MGAT4A: variants seen among roughly 807,000 people sequenced by gnomAD.
MGAT4A encodes the protein N-acetylglucosaminyltransferase IVa.
In MGAT4A, 33 loss-of-function variants were observed where a neutral mutation model predicts 74.1. That is an observed-to-expected ratio of 0.45 (90% confidence interval 0.34 to 0.60). MGAT4A has a LOEUF of 0.60. MGAT4A is among the 20% of genes least tolerant of loss of function. The pLI, the probability that MGAT4A is intolerant of heterozygous loss-of-function variation, is 0.02. For synonymous variants in MGAT4A, 198 were observed against 210.4 expected (o/e 0.94, Z 0.51); for missense variants, 479 against 628.3 (o/e 0.76, Z 2.54).
intron 4 of MGAT4A, among the ~76,000 whole-genome samples, chr2:98,672,170 C>T (rs190932766): frequency 9.9e-5 from 15 of 152,256 alleles, no homozygotes; most frequent in Non-Finnish European, 1.8e-4. Flanking sequence ...CAGCCTCAGG[C>T]CAAACGTAAT....
At chr2:98,663,427 A>C (rs1701782411) in intron 4 of MGAT4A, 18 of 1,496,720 alleles carry the variant, frequency 1.2e-5, no homozygotes, top group Non-Finnish European at 1.6e-5. Context: ...TTCACACTAA[A>C]AAATGAATGG....
chr2:98,701,245 T>G (rs1226678094), intron 2 of MGAT4A, among the ~76,000 whole-genome samples: 1 of 152,218 alleles, frequency 6.6e-6, no homozygotes, highest in Non-Finnish European at 1.5e-5. Flanking sequence ...TATTTAAGAT[T>G]TCATCCTATT....
At chr2:98,631,262 T>C (rs1481636730) in intron 14 of MGAT4A, among the ~76,000 whole-genome samples, 1 of 152,238 alleles carries the variant, frequency 6.6e-6, no homozygotes, top group Non-Finnish European at 1.5e-5. Context: ...ACGCGTAAGT[T>C]GCTACCCAGT....
rs529769066 is a variant in MGAT4A at position 98,698,628 on chromosome 2, C to T, written c.95-20157G>A. Among the ~76,000 whole-genome samples, 3 of 152,148 alleles carry T rather than the reference C, an allele frequency of 2.0e-5. No homozygotes were observed. In the South Asian group the frequency reaches 6.2e-4, roughly 32 times the overall value. ...GTACCTTACATTTCTAAATGGAAAC[C>T]CTTCAATGACTACCTACTTAACTCT... is the stretch of plus-strand genomic sequence containing the variant. On this transcript the variant is annotated intron_variant, in intron 2 of 15. Transcript: ENST00000393487.
intron 2 of MGAT4A, among the ~76,000 whole-genome samples, chr2:98,698,099 G>A (rs1288415184): frequency 6.6e-6 from 1 of 152,178 alleles, no homozygotes; most frequent in East Asian, 1.9e-4. Flanking sequence ...TGATTCAAGT[G>A]CAGAAGAACC....
Position 98,652,542 on chromosome 2 carries a change from A to G in MGAT4A, c.774+2903T>C, listed in dbSNP as rs375048719. Among the ~76,000 whole-genome samples the G allele has an allele frequency of 2.6e-5, 4 of 152,280 alleles. No individual in the cohort carries two copies. The East Asian group carries it at 5.8e-4, about 22-fold the overall frequency. ...GAGACGGAGTTTCACCGTGTTAGCC[A>G]GGATGGTCTCGATCTCCTGACCTTG... On this transcript the variant is annotated intron_variant, in intron 8 of 15. Transcript: ENST00000393487.
At chr2:98,647,029 G>T (rs184333397) in intron 8 of MGAT4A, among the ~76,000 whole-genome samples, 1 of 152,222 alleles carries the variant, frequency 6.6e-6, no homozygotes, top group East Asian at 1.9e-4. Context: ...TGTTTTTCAA[G>T]GTAATCTAAT....
chr2:98,729,594 T>C (rs552327555), intron 1 of MGAT4A, among the ~76,000 whole-genome samples: 2 of 152,318 alleles, frequency 1.3e-5, no homozygotes, highest in Admixed American at 6.5e-5. Flanking sequence ...CTCCCAAAGG[T>C]GAATGGAACT....
chr2:98,714,539 G>A (rs574560755), intron 2 of MGAT4A, among the ~76,000 whole-genome samples: 227 of 152,298 alleles, frequency 1.5e-3, no homozygotes, highest in African/African-American at 4.8e-3. Flanking sequence ...TGCTATGCAC[G>A]CACACATGTA....
intron 7 of MGAT4A, 95 bp from the exon 8 acceptor site, chr2:98,655,615 G>A: frequency 1.3e-6 from 1 of 771,626 alleles, no homozygotes; most frequent in Non-Finnish European, 2.2e-6. Flanking sequence ...TACATAACAT[G>A]TCATCTATGT....
intron 8 of MGAT4A, among the ~76,000 whole-genome samples, chr2:98,653,879 G>GACC (rs1328438594): frequency 1.3e-5 from 2 of 152,060 alleles, no homozygotes; most frequent in Non-Finnish European, 2.9e-5. Flanking sequence ...GAAAACTACA[G>GACC]ACCAATATCC....
intron 1 of MGAT4A, among the ~76,000 whole-genome samples, chr2:98,729,795 T>G (rs1252379558): frequency 1.3e-5 from 2 of 152,114 alleles, no homozygotes; most frequent in African/African-American, 4.8e-5. Context: ...AGGGTAGAGG[T>G]GACTTAAGAA....
chr2:98,684,816 A>C (rs181456611), intron 2 of MGAT4A, among the ~76,000 whole-genome samples: 57 of 152,352 alleles, frequency 3.7e-4, no homozygotes, highest in African/African-American at 1.3e-3. Context: ...ATTCAGAGCT[A>C]GTGTTAAAAA....
intron 8 of MGAT4A, among the ~76,000 whole-genome samples, chr2:98,653,573 T>C (rs1701613956): frequency 6.6e-6 from 1 of 152,076 alleles, no homozygotes; most frequent in South Asian, 2.1e-4. Flanking sequence ...TTGGATAATC[T>C]ACAAGAAATG....
At chr2:98,660,394 ACACACACACACACACACGCACGCG>A (rs1459396659) in intron 5 of MGAT4A, among the ~76,000 whole-genome samples, 31 of 39,882 alleles carry the variant, frequency 7.8e-4, no homozygotes, top group African/African-American at 4.1e-3. Flanking sequence ...ATATATAACC[ACACACACACACACACACGCACGCG>A]CACACACACA....
chr2:98,673,728 T>C (rs957083790), intron 4 of MGAT4A, among the ~76,000 whole-genome samples: 2 of 152,206 alleles, frequency 1.3e-5, no homozygotes, highest in Non-Finnish European at 2.9e-5. Context: ...TAAATGACTT[T>C]AAAAACACTT....
intron 2 of MGAT4A, 138 bp downstream of exon 2, chr2:98,726,101 T>C: frequency 1.7e-6 from 1 of 582,614 alleles, no homozygotes; most frequent in East Asian, 2.8e-5. Flanking sequence ...CTGTTTCATT[T>C]TTATATCAGA....
At chr2:98,685,160 C>A (rs1241287023) in intron 2 of MGAT4A, among the ~76,000 whole-genome samples, 1 of 151,638 alleles carries the variant, frequency 6.6e-6, no homozygotes, top group Non-Finnish European at 1.5e-5. Flanking sequence ...ATCCCTTGAG[C>A]CCAGGGTTTG....
At chr2:98,667,355 A>T (rs1019754805) in intron 4 of MGAT4A, among the ~76,000 whole-genome samples, 2 of 152,238 alleles carry the variant, frequency 1.3e-5, no homozygotes, top group East Asian at 3.8e-4. Flanking sequence ...TAACAGGCAG[A>T]GGCTGGAACA....
Sources: gnomAD v4.1 joint callset for allele counts (sites outside exome capture counted in the v4.1 genomes callset) on GRCh38, gnomAD v4.1.1 for gene constraint, MANE v1.5 for transcripts, NCBI Gene and HGNC (gene_info 2026-07-23, HGNC 2026-07-21) for gene names.